ZNF407: variants seen among roughly 807,000 people sequenced by gnomAD.
The protein encoded by ZNF407 is zinc finger protein 407.
In ZNF407, 17 loss-of-function variants were observed where a neutral mutation model predicts 131.2. That is an observed-to-expected ratio of 0.13 (90% CI 0.09 to 0.19). ZNF407 has a LOEUF of 0.19. Among genes scored for constraint, ZNF407 ranks in the 10% least tolerant of loss-of-function variants. The pLI, the probability that ZNF407 is intolerant of heterozygous loss-of-function variation, is 1.00. For synonymous variants in ZNF407, 1,156 were observed against 1,062.0 expected, an observed-to-expected ratio of 1.09 and a Z score of -1.72; for missense variants, 2,681 against 2,830.6, an observed-to-expected ratio of 0.95 and a Z score of 1.20.
chr18:75,020,899 A>T (rs1254563045), intron 8 of ZNF407, among the ~76,000 whole-genome samples: 1 of 152,210 alleles, frequency 6.6e-6, no homozygotes, highest in Non-Finnish European at 1.5e-5. Context: ...AAACAAATGT[A>T]CAATAATGAG....
In ZNF407 at chr18:74,692,683, C is replaced by T. The variant is rs546508837; in HGVS notation, c.4802+51561C>T. Among the ~76,000 whole-genome samples, 3 of 152,220 alleles carry T rather than the reference C, an allele frequency of 2.0e-5. No homozygotes were observed. In the South Asian group the frequency reaches 6.2e-4, roughly 32 times the overall value. On this transcript the variant is annotated intron_variant, in intron 3 of 8. Coordinates refer to ENST00000299687, the MANE Select transcript of ZNF407 (RefSeq NM_017757.3). ...TAAGTTTTTGGTCACAGGATGAATT[C>T]CTGCCCCGCCCCTGGGGTTAGAGGG...
At chr18:75,034,129 A>T (rs1167345712) in intron 8 of ZNF407, among the ~76,000 whole-genome samples, 2 of 152,088 alleles carry the variant, frequency 1.3e-5, no homozygotes, top group African/African-American at 4.8e-5. Context: ...AGCGTTCTGT[A>T]ATTCTACTCT....
At chr18:75,050,836 T>G (rs1973492141) in intron 8 of ZNF407, among the ~76,000 whole-genome samples, 1 of 152,206 alleles carries the variant, frequency 6.6e-6, no homozygotes, top group Admixed American at 6.5e-5. Context: ...CACAGAGATC[T>G]ATGGAGATTT....
chr18:74,861,278 G>T (rs1287213745), intron 4 of ZNF407, among the ~76,000 whole-genome samples: 1 of 152,230 alleles, frequency 6.6e-6, no homozygotes, highest in African/African-American at 2.4e-5. Context: ...CATTCTTGTT[G>T]TGTAAGCAGC....
At chr18:74,623,126 C>CTGTG (rs36140737) in intron 1 of ZNF407, among the ~76,000 whole-genome samples, 1 of 143,116 alleles carries the variant, frequency 7.0e-6, no homozygotes, top group African/African-American at 2.6e-5. Context: ...GTCAGTGTGA[C>CTGTG]TGTGTGTGTG....
chr18:74,923,960 T>TC (rs1971879924), intron 8 of ZNF407, among the ~76,000 whole-genome samples: 1 of 152,108 alleles, frequency 6.6e-6, no homozygotes. Flanking sequence ...TACCCTAATG[T>TC]CCCTCAAGCA....
chr18:74,792,259 T>C (rs1396898583), intron 4 of ZNF407, among the ~76,000 whole-genome samples: 1 of 152,088 alleles, frequency 6.6e-6, no homozygotes, highest in Non-Finnish European at 1.5e-5. Context: ...TTTTTCATGC[T>C]AATCACACAG....
At chr18:74,649,121 A>C (rs971587419) in intron 3 of ZNF407, among the ~76,000 whole-genome samples, 3 of 152,348 alleles carry the variant, frequency 2.0e-5, no homozygotes, top group South Asian at 4.1e-4. Flanking sequence ...TAGATATACA[A>C]ATTTTTAGAA....
chr18:74,881,981 C>G (rs1046825928), intron 6 of ZNF407, among the ~76,000 whole-genome samples: 1 of 152,090 alleles, frequency 6.6e-6, no homozygotes, highest in Non-Finnish European at 1.5e-5. Flanking sequence ...GGGAAACTCC[C>G]CTTTTTAAAA....
intron 2 of ZNF407, among the ~76,000 whole-genome samples, chr18:74,640,368 A>G (rs1299561971): frequency 2.0e-5 from 3 of 152,164 alleles, no homozygotes; most frequent in Non-Finnish European, 4.4e-5. Flanking sequence ...CCAAAATGTC[A>G]GTTCTTCCAG....
chr18:74,815,170 T>C (rs1355498114), intron 4 of ZNF407, among the ~76,000 whole-genome samples: 3 of 152,170 alleles, frequency 2.0e-5, no homozygotes, highest in Non-Finnish European at 4.4e-5. Flanking sequence ...TTAGGGTTAT[T>C]AATTCTATAT....
At chr18:74,945,352 T>G (rs1350395306) in intron 8 of ZNF407, among the ~76,000 whole-genome samples, 1 of 152,218 alleles carries the variant, frequency 6.6e-6, no homozygotes. Context: ...TTTTTGTCGG[T>G]ATCACATTTT....
At chr18:74,770,720 G>A in intron 3 of ZNF407, among the ~76,000 whole-genome samples, 2 of 152,122 alleles carry the variant, frequency 1.3e-5, no homozygotes, top group South Asian at 4.2e-4. Context: ...ATTGTGGGTA[G>A]GTGTGTGTTT....
At chr18:75,000,606 A>G (rs1012030369) in intron 8 of ZNF407, among the ~76,000 whole-genome samples, 14 of 152,212 alleles carry the variant, frequency 9.2e-5, no homozygotes, top group African/African-American at 3.4e-4. Flanking sequence ...CTAAAGCAAT[A>G]ACTATGCAAA....
intron 1 of ZNF407, among the ~76,000 whole-genome samples, chr18:74,627,973 C>T (rs1205933903): frequency 6.6e-6 from 1 of 151,964 alleles, no homozygotes; most frequent in African/African-American, 2.4e-5. Flanking sequence ...CTCGGAGGCT[C>T]AAGCGATTTT....
At chr18:74,826,042 C>T (rs1386916770) in intron 4 of ZNF407, among the ~76,000 whole-genome samples, 1 of 152,160 alleles carries the variant, frequency 6.6e-6, no homozygotes, top group Non-Finnish European at 1.5e-5. Context: ...ACAGAGTCAG[C>T]TTTTTCTTGT....
At chr18:75,054,681 A>G (rs1003365611) in intron 8 of ZNF407, among the ~76,000 whole-genome samples, 1 of 152,260 alleles carries the variant, frequency 6.6e-6, no homozygotes, top group African/African-American at 2.4e-5. Context: ...TTCATAGACT[A>G]TCAGAGGACA....
At chr18:74,653,556 G>A (rs1475818616) in intron 3 of ZNF407, among the ~76,000 whole-genome samples, 1 of 151,716 alleles carries the variant, frequency 6.6e-6, no homozygotes, top group African/African-American at 2.4e-5. Context: ...CAGATCTTTA[G>A]TATAGGGACA....
At chr18:74,675,377 G>A (rs1342873533) in intron 3 of ZNF407, among the ~76,000 whole-genome samples, 2 of 152,170 alleles carry the variant, frequency 1.3e-5, no homozygotes, top group Non-Finnish European at 2.9e-5. Context: ...AGAACTTTGT[G>A]CATTTTCCTT....
Sources: allele counts gnomAD v4.1 joint callset (sites outside exome capture counted in the v4.1 genomes callset), GRCh38; gene constraint gnomAD v4.1.1; transcripts MANE v1.5; gene names NCBI Gene and HGNC (gene_info 2026-07-23, HGNC 2026-07-21).